Variants in FSTL5 observed in about 807,000 individuals in gnomAD.
FSTL5 encodes the protein follistatin-related protein 5.
Under a neutral mutation model 89.1 loss-of-function variants are expected in FSTL5, and 62 were observed. The observed-to-expected ratio is 0.70, with a 90% CI of 0.57 to 0.86. The LOEUF (loss-of-function observed/expected upper bound fraction) is 0.86. Among genes scored for constraint, FSTL5 ranks in the 40% least tolerant of loss-of-function variants. The probability of loss-of-function intolerance (pLI) is 0.00; values close to 1 mark genes in which losing one functional copy is unlikely to be tolerated. For missense variants in FSTL5, 1,057 were observed against 1,001.6 expected (o/e 1.06, Z -0.75); for synonymous variants, 383 against 346.2 (o/e 1.11, Z -1.18).
At chr4:161,778,782 A>G (rs545917514) in intron 4 of FSTL5, among the ~76,000 whole-genome samples, 1 of 152,342 alleles carries the variant, frequency 6.6e-6, no homozygotes, top group Non-Finnish European at 1.5e-5. Flanking sequence ...CATTGCTAGC[A>G]ATTTTGGTAT....
chr4:161,813,857 T>C (rs1209166829), intron 4 of FSTL5, among the ~76,000 whole-genome samples: 1 of 152,118 alleles, frequency 6.6e-6, no homozygotes, highest in African/African-American at 2.4e-5. Context: ...AAAGATGAAG[T>C]ACAAAGTATA....
At position 161,556,672 on chromosome 4, in the gene FSTL5, T is replaced by A. The variant is rs113211793; in HGVS notation, c.1016-13979A>T. Among the ~76,000 whole-genome samples, 1,173 of 151,516 alleles carry A rather than the reference T, an allele frequency of 7.7e-3. 14 individuals carry two copies. Among genetic ancestry groups the A allele is most frequent in the African/African-American group, 0.027 (1,112 of 41,456 alleles). ...AAGATCTTTTCAACAGAGTAGATGA[T>A]AAAAATTACTAATATTAGATAATTT... On this transcript the variant is annotated intron_variant, in intron 8 of 15. Coordinates refer to ENST00000306100, the MANE Select transcript of FSTL5 (RefSeq NM_020116.5).
chr4:161,580,924 G>A (rs28654224), intron 8 of FSTL5, among the ~76,000 whole-genome samples: 10,921 of 152,184 alleles, frequency 0.072, 440 homozygotes, highest in East Asian at 0.15. Context: ...CATAGATGAG[G>A]AGGCCTGTGT....
chr4:161,582,489 C>A (rs946772826), intron 8 of FSTL5, among the ~76,000 whole-genome samples: 3 of 151,982 alleles, frequency 2.0e-5, no homozygotes, highest in Non-Finnish European at 2.9e-5. Context: ...TTGAGTAATC[C>A]CAAGTTTGTT....
intron 11 of FSTL5, among the ~76,000 whole-genome samples, chr4:161,501,705 T>C (rs1187833803): frequency 3.3e-5 from 5 of 151,906 alleles, no homozygotes; most frequent in Admixed American, 2.0e-4. Flanking sequence ...GAAGCAGAAG[T>C]GGCAAGCAAT....
chr4:162,058,831 CAAAGTT>C (rs1738636130), intron 2 of FSTL5, among the ~76,000 whole-genome samples: 1 of 151,930 alleles, frequency 6.6e-6, no homozygotes, highest in Admixed American at 6.6e-5. Flanking sequence ...TGCTCTGAAT[CAAAGTT>C]GAACTGTATT....
intron 6 of FSTL5, among the ~76,000 whole-genome samples, chr4:161,726,913 ATAT>A (rs1280310383): frequency 5.0e-3 from 177 of 35,670 alleles, no homozygotes; most frequent in African/African-American, 7.8e-3. Flanking sequence ...AAAAAAAAAA[ATAT>A]ATATATATAT....
chr4:161,635,320 G>A (rs1229666227), intron 7 of FSTL5, among the ~76,000 whole-genome samples: 4 of 152,108 alleles, frequency 2.6e-5, no homozygotes, highest in East Asian at 1.9e-4. Context: ...CCTGGGAGGC[G>A]GAGGTTCCAG....
intron 7 of FSTL5, among the ~76,000 whole-genome samples, chr4:161,632,345 G>A (rs1468029080): frequency 6.6e-6 from 1 of 152,072 alleles, no homozygotes; most frequent in Non-Finnish European, 1.5e-5. Flanking sequence ...ACGCCACTGT[G>A]TTCGAGCCCT....
intron 9 of FSTL5, among the ~76,000 whole-genome samples, chr4:161,541,429 T>C (rs1349300729): frequency 6.6e-6 from 1 of 152,072 alleles, no homozygotes; most frequent in Non-Finnish European, 1.5e-5. Flanking sequence ...TAGACTTTTA[T>C]TCATTTAATT....
chr4:162,060,220 T>C (rs1738677526), intron 2 of FSTL5, among the ~76,000 whole-genome samples: 1 of 152,130 alleles, frequency 6.6e-6, no homozygotes, highest in Admixed American at 6.6e-5. Flanking sequence ...CAGAACTCTC[T>C]TAAAAATTAT....
chr4:162,149,664 A>C (rs2111506749), intron 1 of FSTL5, among the ~76,000 whole-genome samples: 1 of 152,176 alleles, frequency 6.6e-6, no homozygotes, highest in African/African-American at 2.4e-5. Flanking sequence ...CAAAAAATAA[A>C]AAATAAAAAA....
At chr4:161,403,122 C>A (rs1356235155) in intron 15 of FSTL5, among the ~76,000 whole-genome samples, 1 of 152,166 alleles carries the variant, frequency 6.6e-6, no homozygotes, top group Non-Finnish European at 1.5e-5. Context: ...AGCCATGGCG[C>A]CCGGCCCCCA....
At chr4:162,033,803 T>C (rs1415958635) in intron 2 of FSTL5, 145 bp from the exon 3 acceptor site, 4 of 533,550 alleles carry the variant, frequency 7.5e-6, no homozygotes, top group South Asian at 2.7e-5. Context: ...AATATTTACA[T>C]ATAATTTTTT....
At chr4:161,721,920 A>T (rs1739233447) in intron 6 of FSTL5, among the ~76,000 whole-genome samples, 1 of 152,204 alleles carries the variant, frequency 6.6e-6, no homozygotes, top group African/African-American at 2.4e-5. Context: ...GTATCATTGT[A>T]GTGGTGAGCC....
At chr4:161,682,451 T>A (rs1560787199) in intron 6 of FSTL5, among the ~76,000 whole-genome samples, 1 of 152,200 alleles carries the variant, frequency 6.6e-6, no homozygotes, top group African/African-American at 2.4e-5. Context: ...TGCACAACCA[T>A]ATCTTCTTTC....
chr4:161,654,620 A>T (rs1407264036), intron 7 of FSTL5, among the ~76,000 whole-genome samples: 1 of 152,110 alleles, frequency 6.6e-6, no homozygotes, highest in Non-Finnish European at 1.5e-5. Flanking sequence ...TTTTTGATAT[A>T]TTCTGGGACA....
At chr4:161,911,896 T>C (rs1296580252) in intron 4 of FSTL5, among the ~76,000 whole-genome samples, 1 of 152,204 alleles carries the variant, frequency 6.6e-6, no homozygotes, top group East Asian at 1.9e-4. Flanking sequence ...AACACTTTTT[T>C]CACATAACTA....
At chr4:161,694,746 C>A (rs1738077055) in intron 6 of FSTL5, among the ~76,000 whole-genome samples, 1 of 151,108 alleles carries the variant, frequency 6.6e-6, no homozygotes, top group Admixed American at 6.6e-5. Context: ...AATGTGCTAT[C>A]TCTGGAAATC....
Sources: gnomAD v4.1 joint callset for allele counts (sites outside exome capture counted in the v4.1 genomes callset) on GRCh38, gnomAD v4.1.1 for gene constraint, MANE v1.5 for transcripts, NCBI Gene and HGNC (gene_info 2026-07-23, HGNC 2026-07-21) for gene names.